Variants in ATP6V0D1 observed in about 807,000 individuals in gnomAD.
The protein encoded by ATP6V0D1 is V-type proton ATPase subunit d 1.
ATP6V0D1 carries 13 observed loss-of-function variants against 39.0 expected under a neutral mutation model. The observed-to-expected ratio is 0.33, with a 90% CI of 0.22 to 0.53. ATP6V0D1 has a LOEUF of 0.53. Among genes scored for constraint, ATP6V0D1 ranks in the 20% least tolerant of loss-of-function variants. The pLI is 0.94. For missense variants in ATP6V0D1, 272 were observed against 470.9 expected, an observed-to-expected ratio of 0.58 and a Z score of 3.91; for synonymous variants, 191 against 191.2, an observed-to-expected ratio of 1.00 and a Z score of 0.01.
rs778498483 is a variant in ATP6V0D1, at chr16:67,444,673, G to A, written c.336C>T (p.Leu112=). Reference sequence around the variant, plus strand: ...AGCGCTGGTGCAGCGTGCCTGTGATGAGCAGGATCACGTTGTCGATCATGT... The same window carrying A: ...AGCGCTGGTGCAGCGTGCCTGTGATAAGCAGGATCACGTTGTCGATCATGT... ...YSYMIDNVIL[L]ITGTLHQRSI... is the part of the protein sequence containing the mutation. Residue 112 remains leucine (L), a synonymous_variant, in exon 3 of 8, where the codon CTC becomes CTT. Coordinates refer to ENST00000290949, the MANE Select transcript of ATP6V0D1 (RefSeq NM_004691.5). The surrounding 1 kb of genome is among the most constrained non-coding windows in gnomAD (Gnocchi z 4.8). 1.4e-5 allele frequency: 22 copies of A among 1,608,256 alleles called. No individual in the cohort carries two copies. Among genetic ancestry groups the A allele is most frequent in the Non-Finnish European group, 1.8e-5 (21 of 1,175,970 alleles).
chr16:67,439,162 C>T lies in ATP6V0D1; in HGVS notation c.640-15G>A, dbSNP rs1284990592. On this transcript the variant is annotated splice_polypyrimidine_tract_variant and intron_variant, in intron 5 of 7. Coordinates refer to ENST00000290949, the MANE Select transcript of ATP6V0D1 (RefSeq NM_004691.5). Reference sequence around the variant, plus strand: ...TCTGCTTCAAACTGTGGAGCCAGTGCACAGGTAAGAAGAGAGGGAGGAAGA... The same window carrying T: ...TCTGCTTCAAACTGTGGAGCCAGTGTACAGGTAAGAAGAGAGGGAGGAAGA... The T allele has an allele frequency of 1.9e-6, 3 of 1,613,614 alleles. No homozygotes were observed. Among genetic ancestry groups the T allele is most frequent in the South Asian group, 1.1e-5 (1 of 91,082 alleles).
chr16:67,438,498 G>A lies in ATP6V0D1; in HGVS notation c.*30C>T, dbSNP rs2041003926. ...GCACACACACACACACACACACAAA[G>A]AGTGCAATTGAGAGCCTTGGGCCAG... On this transcript the variant is annotated 3_prime_UTR_variant, in exon 8 of 8. Transcript: ENST00000290949. The A allele has an allele frequency of 3.1e-6, 5 of 1,611,494 alleles. No homozygotes were observed. Among genetic ancestry groups the A allele is most frequent in the Non-Finnish European group, 4.2e-6 (5 of 1,178,478 alleles).
chr16:67,443,274 AGGCCCACAGG>A, intron 3 of ATP6V0D1, 96 bp from the exon 4 acceptor site: 1 of 1,288,304 alleles, frequency 7.8e-7, no homozygotes, highest in Non-Finnish European at 1.1e-6. Flanking sequence ...CCGTGCCACA[AGGCCCACAGG>A]GCTGGGTATT....
rs929633459 is a variant in ATP6V0D1 at position 67,453,205 on chromosome 16, C to T, written c.302+339G>A. Reference sequence around the variant, plus strand: ...AAGGGCTCCCACCTTCCCAGGTTTCCCTGCCCCAGTCTATGTGACTGGGGG... The same window carrying T: ...AAGGGCTCCCACCTTCCCAGGTTTCTCTGCCCCAGTCTATGTGACTGGGGG... On this transcript the variant is annotated intron_variant, in intron 2 of 7. Coordinates refer to ENST00000290949, the MANE Select transcript of ATP6V0D1 (RefSeq NM_004691.5). This position sits in a 1 kb window ranked among gnomAD's most constrained non-coding sequence, Gnocchi z 4.1. Among the ~76,000 whole-genome samples, 2 of 152,092 alleles carry T rather than the reference C, an allele frequency of 1.3e-5. No homozygotes were observed. The highest frequency in any genetic ancestry group is 2.9e-5 in the Non-Finnish European group (2 of 68,024).
At chr16:67,478,375 G>A (rs2142337942) in intron 1 of ATP6V0D1, among the ~76,000 whole-genome samples, 1 of 152,278 alleles carries the variant, frequency 6.6e-6, no homozygotes, top group African/African-American at 2.4e-5. Flanking sequence ...TACTTTGGGA[G>A]GCCAAGGTGG....
At chr16:67,458,151 C>G (rs2041256882) in intron 1 of ATP6V0D1, among the ~76,000 whole-genome samples, 1 of 152,206 alleles carries the variant, frequency 6.6e-6, no homozygotes, top group Non-Finnish European at 1.5e-5. Context: ...TTGGAGAAAC[C>G]TGGCTCCCAG....
At chr16:67,467,041 T>A (rs2041335935) in intron 1 of ATP6V0D1, among the ~76,000 whole-genome samples, 1 of 152,164 alleles carries the variant, frequency 6.6e-6, no homozygotes, top group Non-Finnish European at 1.5e-5. Flanking sequence ...TCCCTTTATC[T>A]AAGTCTCAAC....
At chr16:67,470,503 G>C (rs1193658259) in intron 1 of ATP6V0D1, among the ~76,000 whole-genome samples, 1 of 152,176 alleles carries the variant, frequency 6.6e-6, no homozygotes, top group Admixed American at 6.5e-5. Context: ...GTGTCCACTT[G>C]GCCCACAGTT....
chr16:67,455,019 C>T (rs983433151), intron 1 of ATP6V0D1: 4 of 152,252 alleles, frequency 2.6e-5, no homozygotes, highest in Admixed American at 6.5e-5. Flanking sequence ...AGTACTTATC[C>T]CACCTGATAC....
chr16:67,444,337 G>C lies in ATP6V0D1; in HGVS notation c.481+191C>G, dbSNP rs1391144756. ...CCTGCCTGGCCCAGCAAAAGCAACA[G>C]GACAGGAGCAGAAGAGGGGTGAAGT... On this transcript the variant is annotated intron_variant, in intron 3 of 7. Transcript: ENST00000290949. This position sits in a 1 kb window ranked among gnomAD's most constrained non-coding sequence, Gnocchi z 4.8. Among the ~76,000 whole-genome samples the C allele has an allele frequency of 1.3e-5, 2 of 152,212 alleles. No homozygotes were observed. Among genetic ancestry groups the C allele is most frequent in the Non-Finnish European group, 1.5e-5 (1 of 68,038 alleles).
chr16:67,440,794 A>T, intron 4 of ATP6V0D1: 1 of 152,426 alleles, frequency 6.6e-6, no homozygotes. Flanking sequence ...CGGGAAACAA[A>T]AATCTAGGAC....
In ATP6V0D1 at chr16:67,447,689, C is replaced by A. The variant is rs1187737871; in HGVS notation, c.303-2983G>T. 6.6e-6 allele frequency among the ~76,000 whole-genome samples: 1 copy of A among 152,206 alleles called. No homozygotes were observed. Among genetic ancestry groups the A allele is most frequent in the African/African-American group, 2.4e-5 (1 of 41,446 alleles). On this transcript the variant is annotated intron_variant, in intron 2 of 7. Transcript: ENST00000290949. This position sits in a 1 kb window ranked among gnomAD's most constrained non-coding sequence, Gnocchi z 4.1. ...TGTGCCTTCAAAACTCAGCTTGGGC[C>A]CACAGACATCTTGGGTTGGAGTTTA...
At chr16:67,448,516 C>A (rs944701013) in intron 2 of ATP6V0D1, among the ~76,000 whole-genome samples, 2 of 151,834 alleles carry the variant, frequency 1.3e-5, no homozygotes, top group South Asian at 2.1e-4. Flanking sequence ...AAAAATTAGT[C>A]GGGTGTGGTG....
At chr16:67,477,249 T>A (rs772445725) in intron 1 of ATP6V0D1, among the ~76,000 whole-genome samples, 1 of 152,142 alleles carries the variant, frequency 6.6e-6, no homozygotes, top group East Asian at 1.9e-4. Context: ...CTTCAATCTA[T>A]ATATTAAAAT....
At chr16:67,450,590 C>T (rs1292274926) in intron 2 of ATP6V0D1, among the ~76,000 whole-genome samples, 1 of 152,030 alleles carries the variant, frequency 6.6e-6, no homozygotes, top group Non-Finnish European at 1.5e-5. Flanking sequence ...ACCTTGGCTA[C>T]GTGAAGGTCA....
intron 2 of ATP6V0D1, chr16:67,452,435 G>T (rs1201630951): frequency 2.6e-6 from 4 of 1,529,238 alleles, no homozygotes; most frequent in Non-Finnish European, 3.5e-6. Context: ...AACTGCAGGG[G>T]ATAAGAATCA....
chr16:67,457,612 G>T (rs1255323377), intron 1 of ATP6V0D1: 5 of 1,289,388 alleles, frequency 3.9e-6, no homozygotes, highest in Non-Finnish European at 5.1e-6. Context: ...CATCACTCAG[G>T]GACAAGTCCC....
chr16:67,450,685 T>A (rs923021580), intron 2 of ATP6V0D1, among the ~76,000 whole-genome samples: 3 of 152,018 alleles, frequency 2.0e-5, no homozygotes, highest in African/African-American at 7.3e-5. Context: ...GAACAGACAG[T>A]GAATGTAAAA....
At chr16:67,476,783 C>A (rs1219176303) in intron 1 of ATP6V0D1, among the ~76,000 whole-genome samples, 1 of 152,022 alleles carries the variant, frequency 6.6e-6, no homozygotes, top group Non-Finnish European at 1.5e-5. Context: ...CACCTGTAAT[C>A]CTGACACTTT....
Sources: gnomAD v4.1 joint callset for allele counts (sites outside exome capture counted in the v4.1 genomes callset) on GRCh38, gnomAD v4.1.1 for gene constraint, Gnocchi (gnomAD v3.1) non-coding constraint, MANE v1.5 for transcripts, NCBI Gene and HGNC (gene_info 2026-07-23, HGNC 2026-07-21) for gene names.